The following ADAM28 variants were observed in gnomAD, a reference collection of about 807,000 sequenced individuals.
ADAM28 encodes the protein disintegrin and metalloproteinase domain-containing protein 28.
ADAM28 carries 105 observed loss-of-function variants against 101.2 expected under a neutral mutation model. That is an observed-to-expected ratio of 1.04 (90% confidence interval 0.89 to 1.22). ADAM28 has a LOEUF of 1.22. ADAM28 is among the 50% of genes most tolerant of loss of function. The pLI is 0.00. For missense variants in ADAM28, 1,028 were observed against 945.4 expected, an observed-to-expected ratio of 1.09 and a Z score of -1.15; for synonymous variants, 322 against 310.6, an observed-to-expected ratio of 1.04 and a Z score of -0.39.
intron 1 of ADAM28, chr8:24,296,343 A>T (rs907513170): frequency 6.6e-6 from 1 of 152,210 alleles, no homozygotes; most frequent in Non-Finnish European, 1.5e-5. Flanking sequence ...CTCACTTTTA[A>T]TGCATGAAGT....
chr8:24,347,957 G>A (rs896930713), intron 18 of ADAM28, among the ~76,000 whole-genome samples: 12 of 151,832 alleles, frequency 7.9e-5, no homozygotes, highest in African/African-American at 2.7e-4. Flanking sequence ...ATAGTTTTTA[G>A]TAGTACTCAC....
At chr8:24,348,567 A>G (rs1815697295) in intron 18 of ADAM28, among the ~76,000 whole-genome samples, 1 of 152,122 alleles carries the variant, frequency 6.6e-6, no homozygotes. Context: ...AATTTTATCT[A>G]ACATTTAAGT....
At chr8:24,332,519 T>A (rs1035079032) in intron 12 of ADAM28, 141 bp from the exon 13 acceptor site, 13 of 397,142 alleles carry the variant, frequency 3.3e-5, no homozygotes, top group African/African-American at 2.1e-4. Context: ...GGTTTTCTAA[T>A]TTTTTTTATA....
At chr8:24,324,672 AGCTTGAATTTCTGG>A (rs989618465) in intron 9 of ADAM28, among the ~76,000 whole-genome samples, 1 of 151,920 alleles carries the variant, frequency 6.6e-6, no homozygotes, top group Non-Finnish European at 1.5e-5. Flanking sequence ...ATAACAAATG[AGCTTGAATTTCTGG>A]GCTTGAAATA....
rs148946378 is a variant in ADAM28 at position 24,335,572 on chromosome 8, G to A, written c.1498G>A (p.Gly500Arg). Residue 500 changes from glycine to arginine, a missense_variant, in exon 14 of 23, where the codon GGG (glycine) becomes AGG (arginine). Coordinates refer to ENST00000265769, the MANE Select transcript of ADAM28 (RefSeq NM_014265.6). ...AGTCAATGGCTTCCCTTGCCATCAC[G>A]GGAAGGGCCACTGCTTGATGGGGAC... ...FQVNGFPCHHGKGHCLMGTCP... is the reference protein window; with the variant it reads ...FQVNGFPCHHRKGHCLMGTCP... 2.8e-3 allele frequency: 4,464 copies of A among 1,613,760 alleles called. 16 individuals carry two copies. The highest frequency in any genetic ancestry group is 5.0e-3 in the South Asian group (451 of 91,010).
intron 13 of ADAM28, 52 bp from the exon 14 acceptor site, chr8:24,335,394 G>C: frequency 6.6e-7 from 1 of 1,521,222 alleles, no homozygotes; most frequent in Non-Finnish European, 8.8e-7. Flanking sequence ...TGAGGTATTA[G>C]GGTAAAGCAG....
chr8:24,350,042 A>G (rs1815891683), intron 19 of ADAM28, 70 bp downstream of exon 19: 1 of 1,329,344 alleles, frequency 7.5e-7, no homozygotes, highest in Non-Finnish European at 1.1e-6. Flanking sequence ...AATTCAATGT[A>G]TAACCTATCC....
chr8:24,319,026 G>A (rs1811527802), intron 6 of ADAM28, among the ~76,000 whole-genome samples: 1 of 151,822 alleles, frequency 6.6e-6, no homozygotes, highest in Non-Finnish European at 1.5e-5. Flanking sequence ...ATACGATTGT[G>A]GTCCCATAGA....
intron 2 of ADAM28, among the ~76,000 whole-genome samples, chr8:24,300,517 C>A (rs10110954): frequency 6.6e-6 from 1 of 151,864 alleles, no homozygotes; most frequent in Non-Finnish European, 1.5e-5. Context: ...CCCAGGTTCA[C>A]GCCATTCTCC....
At chr8:24,299,620 C>T (rs1585489732) in intron 1 of ADAM28, among the ~76,000 whole-genome samples, 2 of 152,206 alleles carry the variant, frequency 1.3e-5, no homozygotes, top group Non-Finnish European at 2.9e-5. Flanking sequence ...GGATTACTTT[C>T]GCTTCTATCT....
chr8:24,349,396 A>T (rs1196115858), intron 18 of ADAM28, among the ~76,000 whole-genome samples: 20 of 152,202 alleles, frequency 1.3e-4, no homozygotes, highest in Non-Finnish European at 1.5e-5. Context: ...GTAGACCAAC[A>T]TCAGTGGAAC....
chr8:24,338,179 T>A (rs1222409467), intron 14 of ADAM28, among the ~76,000 whole-genome samples: 1 of 152,224 alleles, frequency 6.6e-6, no homozygotes, highest in Non-Finnish European at 1.5e-5. Context: ...CAGCATTTTT[T>A]AATGATAGTG....
chr8:24,325,888 A>ACAAACAAAC lies in ADAM28; in HGVS notation c.891-666_891-665insCAAACAAAC, dbSNP rs1175328782. Among the ~76,000 whole-genome samples the ACAAACAAAC allele has an allele frequency of 5.0e-3, 676 of 136,160 alleles. 7 individuals carry two copies. Among genetic ancestry groups the ACAAACAAAC allele is most frequent in the Non-Finnish European group, 7.7e-3 (483 of 62,694 alleles). The allele number at this position is 136,160 out of a possible 152,430, so 89.3% of individuals were successfully genotyped here. A position where few individuals can be genotyped will look rare whatever the true frequency, so the allele number is the denominator to read the frequency against. On this transcript the variant is annotated intron_variant, in intron 9 of 22. Transcript: ENST00000265769. ...ACAGATAGCAAAAAAAAAAAAAAAA[A>ACAAACAAAC]AAAAAAAAAAAACCAAAAAACAAAA...
chr8:24,322,196 A>G (rs28457195), intron 8 of ADAM28, among the ~76,000 whole-genome samples: 5,453 of 152,082 alleles, frequency 0.036, 340 homozygotes, highest in African/African-American at 0.12. Context: ...CAGAAGAATT[A>G]TTGGAATAAT....
chr8:24,323,967 C>A lies in ADAM28; in HGVS notation c.854C>A (p.Ser285Ter), dbSNP rs755509856. 2 of 1,611,830 alleles carry A rather than the reference C, an allele frequency of 1.2e-6. No homozygotes were observed. Among genetic ancestry groups the A allele is most frequent in the East Asian group, 4.5e-5 (2 of 44,796 alleles). The change falls in exon 9 of 23, where the codon TCA becomes TAA. Residue 285 changes from serine (S) to a stop codon, truncating the protein, a stop_gained. Coordinates refer to ENST00000265769, the MANE Select transcript of ADAM28 (RefSeq NM_014265.6). LOFTEE classifies it high-confidence loss of function. The part of the protein sequence containing the change: ...NFSKWRGSVL[S>*]RRKRHDIAQL... ...TCTAAATGGAGGGGGAGTGTTCTCT[C>A]AAGAAGAAAGCGTCATGATATTGCT... is the stretch of plus-strand genomic sequence containing the variant.
chr8:24,343,173 G>A lies in ADAM28; in HGVS notation c.1903G>A (p.Gly635Arg). Residue 635 changes from glycine to arginine, a missense_variant, in exon 17 of 23, where the codon GGA becomes AGA. Coordinates refer to ENST00000265769, the MANE Select transcript of ADAM28 (RefSeq NM_014265.6). ...AACCAATTGCTCATCTAAGTGCAAA[G>A]GACATGCTGTAAGTTCTGAAAATAT... is the stretch of plus-strand genomic sequence containing the variant. The part of the protein sequence containing the change: ...KSTNCSSKCK[G>R]HAVCDHELQC... The A allele has an allele frequency of 1.2e-6, 2 of 1,613,682 alleles. No individual in the cohort carries two copies.
chr8:24,343,190 T>C lies in ADAM28; in HGVS notation c.1911+9T>C, dbSNP rs1157178456. The C allele has an allele frequency of 6.2e-7, 1 of 1,612,786 alleles. No individual in the cohort carries two copies. The highest frequency in any genetic ancestry group is 2.2e-5 in the East Asian group (1 of 44,870). The stretch of plus-strand genomic sequence containing the variant: ...AGTGCAAAGGACATGCTGTAAGTTC[T>C]GAAAATATGTTTCCCTAAGCTCTCT... On this transcript the variant is annotated intron_variant, in intron 17 of 22. Transcript: ENST00000265769.
chr8:24,305,433 TA>T (rs1451886720), intron 2 of ADAM28, among the ~76,000 whole-genome samples: 2 of 148,820 alleles, frequency 1.3e-5, no homozygotes, highest in Admixed American at 1.3e-4. Context: ...ACTGTCCAGG[TA>T]AATTTTTAAG....
At chr8:24,324,687 G>A (rs184322085) in intron 9 of ADAM28, among the ~76,000 whole-genome samples, 1 of 152,028 alleles carries the variant, frequency 6.6e-6, no homozygotes, top group East Asian at 1.9e-4. Context: ...GAATTTCTGG[G>A]CTTGAAATAA....
Sources: gnomAD v4.1 joint callset for allele counts (sites outside exome capture counted in the v4.1 genomes callset) on GRCh38, gnomAD v4.1.1 for gene constraint, MANE v1.5 for transcripts, NCBI Gene and HGNC (gene_info 2026-07-23, HGNC 2026-07-21) for gene names.